Variants in ZNF385D observed in about 807,000 individuals in gnomAD.
ZNF385D encodes zinc finger protein 659.
Under a neutral mutation model 35.8 loss-of-function variants are expected in ZNF385D, and 15 were observed. The observed-to-expected ratio is 0.42, with a 90% CI of 0.28 to 0.64. The LOEUF (loss-of-function observed/expected upper bound fraction) is 0.64. Ranked by LOEUF, ZNF385D falls within the 30% of genes least tolerant of loss-of-function variation. ZNF385D has a pLI of 0.23. For synonymous variants in ZNF385D, 212 were observed against 186.8 expected (o/e 1.13, Z -1.10); for missense variants, 474 against 494.6 (o/e 0.96, Z 0.39).
chr3:21,674,055 A>G (rs1418909221), intron 1 of ZNF385D, among the ~76,000 whole-genome samples: 3 of 152,102 alleles, frequency 2.0e-5, no homozygotes, highest in African/African-American at 7.2e-5. Context: ...CATGATCTGT[A>G]CCTCTTAACT....
intron 2 of ZNF385D, among the ~76,000 whole-genome samples, chr3:21,605,926 ACAGGAAAAC>A (rs1317488849): frequency 3.9e-5 from 6 of 152,158 alleles, no homozygotes; most frequent in Non-Finnish European, 7.4e-5. Flanking sequence ...ATCCATGAAC[ACAGGAAAAC>A]CACGTAATGC....
At chr3:22,153,665 T>G (rs929937337) in intron 3 of ZNF385D, among the ~76,000 whole-genome samples, 1 of 152,046 alleles carries the variant, frequency 6.6e-6, no homozygotes, top group Non-Finnish European at 1.5e-5. Flanking sequence ...CATTTCACCA[T>G]GTTGGTCAGG....
intron 3 of ZNF385D, among the ~76,000 whole-genome samples, chr3:21,943,197 G>T (rs1201907451): frequency 6.6e-6 from 1 of 151,862 alleles, no homozygotes; most frequent in South Asian, 2.1e-4. Flanking sequence ...GTGAAAAAAG[G>T]CATCTTGAAG....
intron 2 of ZNF385D, among the ~76,000 whole-genome samples, chr3:22,189,304 A>T (rs1695859295): frequency 6.6e-6 from 1 of 152,150 alleles, no homozygotes; most frequent in South Asian, 2.1e-4. Context: ...CATAGATAGG[A>T]ACCATACATA....
intron 3 of ZNF385D, among the ~76,000 whole-genome samples, chr3:21,970,081 G>C (rs1703152422): frequency 6.6e-6 from 1 of 152,122 alleles, no homozygotes; most frequent in South Asian, 2.1e-4. Flanking sequence ...TGAATACTTG[G>C]AAATGCTTCC....
At chr3:21,703,798 C>T (rs1239408691) in intron 1 of ZNF385D, among the ~76,000 whole-genome samples, 1 of 152,070 alleles carries the variant, frequency 6.6e-6, no homozygotes, top group Non-Finnish European at 1.5e-5. Flanking sequence ...CTCTTCTTGA[C>T]CTTTGGGATT....
chr3:21,789,234 G>A (rs942426899), intron 3 of ZNF385D, among the ~76,000 whole-genome samples: 3 of 152,188 alleles, frequency 2.0e-5, no homozygotes, highest in East Asian at 1.9e-4. Flanking sequence ...GAATGGGGGA[G>A]GGTATGTGTG....
intron 3 of ZNF385D, among the ~76,000 whole-genome samples, chr3:21,986,608 T>C (rs1694818049): frequency 4.7e-5 from 7 of 149,122 alleles, no homozygotes; most frequent in Admixed American, 4.6e-4. Flanking sequence ...AATTTTGGAA[T>C]AGGTGTGGTG....
intron 3 of ZNF385D, among the ~76,000 whole-genome samples, chr3:22,120,162 G>C (rs777537276): frequency 6.6e-6 from 1 of 151,820 alleles, no homozygotes; most frequent in Non-Finnish European, 1.5e-5. Flanking sequence ...ACTTAATGAA[G>C]GTAGAGTGCC....
intron 3 of ZNF385D, among the ~76,000 whole-genome samples, chr3:22,148,185 G>C (rs997977641): frequency 5.3e-5 from 8 of 152,092 alleles, no homozygotes; most frequent in Non-Finnish European, 1.2e-4. Context: ...TTTGTGCTTT[G>C]TAAATTTGTC....
At chr3:21,515,001 C>T (rs991365124) in intron 3 of ZNF385D, among the ~76,000 whole-genome samples, 4 of 152,212 alleles carry the variant, frequency 2.6e-5, no homozygotes, top group African/African-American at 4.8e-5. Context: ...TAGAACAGAA[C>T]GCCATTTTAG....
Position 22,060,535 on chromosome 3 carries a change from T to A in ZNF385D, c.325+108282A>T, listed in dbSNP as rs182421548. ...CAATAAGTTTTCATTTTGTAAAGCA[T>A]GTTTCCTTTTTAGAAATTGAAAATG... On this transcript the variant is annotated intron_variant, in intron 3 of 5. Coordinates refer to the ZNF385D transcript ENST00000494108. Among the ~76,000 whole-genome samples, 4 of 152,322 alleles carry A rather than the reference T, an allele frequency of 2.6e-5. No individual in the cohort carries two copies. In the East Asian group the frequency reaches 7.7e-4, roughly 29 times the overall value.
intron 2 of ZNF385D, among the ~76,000 whole-genome samples, chr3:21,632,713 C>G (rs984058192): frequency 3.3e-5 from 5 of 152,076 alleles, no homozygotes; most frequent in African/African-American, 1.2e-4. Context: ...CTGTTGCTTT[C>G]CCTAATTTGT....
chr3:22,067,517 A>T (rs945000568), intron 3 of ZNF385D, among the ~76,000 whole-genome samples: 1 of 152,210 alleles, frequency 6.6e-6, no homozygotes, highest in Admixed American at 6.5e-5. Flanking sequence ...TCATCTTTTA[A>T]GCTATGACAA....
At chr3:22,039,126 T>C (rs1341737107) in intron 3 of ZNF385D, among the ~76,000 whole-genome samples, 2 of 151,620 alleles carry the variant, frequency 1.3e-5, no homozygotes, top group Admixed American at 1.3e-4. Flanking sequence ...AGTGGAAGCA[T>C]ATAGCAAAAC....
At chr3:22,278,743 T>C (rs1701561957) in intron 2 of ZNF385D, among the ~76,000 whole-genome samples, 1 of 152,122 alleles carries the variant, frequency 6.6e-6, no homozygotes, top group African/African-American at 2.4e-5. Flanking sequence ...ATTGGCAAAA[T>C]GTGTTTTACT....
In ZNF385D at chr3:22,269,832, A is replaced by G. The variant is rs574649732; in HGVS notation, c.107-100797T>C. Among the ~76,000 whole-genome samples, 3 of 151,968 alleles carry G rather than the reference A, an allele frequency of 2.0e-5. No individual in the cohort carries two copies. In the East Asian group the frequency reaches 5.9e-4, roughly 30 times the overall value. ...TGTCTGAATCTCAATGCTAACTCCA[A>G]GCCCTAATGAACCTTAAATGGCAAA... is the stretch of plus-strand genomic sequence containing the variant. On this transcript the variant is annotated intron_variant, in intron 2 of 5. Coordinates refer to the ZNF385D transcript ENST00000494108.
At chr3:21,896,109 C>T (rs1699121138) in intron 3 of ZNF385D, among the ~76,000 whole-genome samples, 1 of 152,122 alleles carries the variant, frequency 6.6e-6, no homozygotes, top group South Asian at 2.1e-4. Context: ...TATATCCCTG[C>T]TCCCATGACA....
At chr3:21,931,361 T>C (rs575537215) in intron 3 of ZNF385D, among the ~76,000 whole-genome samples, 1 of 152,194 alleles carries the variant, frequency 6.6e-6, no homozygotes, top group Non-Finnish European at 1.5e-5. Flanking sequence ...TAAAATGGTA[T>C]GATCACCTCA....
Sources: allele counts gnomAD v4.1 joint callset (sites outside exome capture counted in the v4.1 genomes callset), GRCh38; gene constraint gnomAD v4.1.1; transcripts MANE v1.5; gene names NCBI Gene and HGNC (gene_info 2026-07-23, HGNC 2026-07-21).